The following TRPM7 variants were observed in gnomAD, a reference collection of about 807,000 sequenced individuals.
The protein encoded by TRPM7 is LTRPC ion channel family member 7.
In TRPM7, 134 loss-of-function variants were observed where a neutral mutation model predicts 229.7. The ratio of observed to expected loss-of-function variants is 0.58; its 90% CI spans 0.51 to 0.67. The LOEUF is 0.67. Ranked by LOEUF, TRPM7 falls within the 30% of genes least tolerant of loss-of-function variation. The probability of loss-of-function intolerance (pLI) is 0.00; values close to 1 mark genes in which losing one functional copy is unlikely to be tolerated. For missense variants in TRPM7, 1,901 were observed against 2,210.0 expected (o/e 0.86, Z 2.80); for synonymous variants, 699 against 715.2 (o/e 0.98, Z 0.36).
Position 50,558,322 on chromosome 15 carries a change from T to C in TRPM7, c.*3356A>G, listed in dbSNP as rs1189150979. 6.6e-6 allele frequency: 1 copy of C among 152,344 alleles called. No homozygotes were observed. Among genetic ancestry groups the C allele is most frequent in the Non-Finnish European group, 1.5e-5 (1 of 68,200 alleles). The allele number at this position is 152,344 out of a possible 1,614,324, so 9.4% of individuals were successfully genotyped here. A position where few individuals can be genotyped will look rare whatever the true frequency, so the allele number is the denominator to read the frequency against. On this transcript the variant is annotated 3_prime_UTR_variant, in exon 39 of 39. Coordinates refer to ENST00000646667, the MANE Select transcript of TRPM7 (RefSeq NM_017672.6). Reference sequence around the variant, plus strand: ...ACTTTGGGAAGCTCAGGCGAGAGGATCACTTGAGCCCAGGAATTTGAGACC... The same window carrying C: ...ACTTTGGGAAGCTCAGGCGAGAGGACCACTTGAGCCCAGGAATTTGAGACC...
At chr15:50,569,227 G>A (rs74014327) in intron 38 of TRPM7, among the ~76,000 whole-genome samples, 1 of 152,022 alleles carries the variant, frequency 6.6e-6, no homozygotes, top group African/African-American at 2.4e-5. Context: ...AGTTCCACAG[G>A]GGACTATGAT....
Position 50,589,619 on chromosome 15 carries a change from T to G in TRPM7, c.4362A>C (p.Glu1454Asp). The G allele has an allele frequency of 1.3e-6, 2 of 1,593,324 alleles. No individual in the cohort carries two copies. The highest frequency in any genetic ancestry group is 8.6e-7 in the Non-Finnish European group (1 of 1,165,196). The change falls in exon 27 of 39, where the codon GAA (glutamate) becomes GAC (aspartate). Residue 1454 changes from glutamate (E) to aspartate (D), a missense_variant. Around this residue, in one of 8 missense-constraint regions of TRPM7, gnomAD observed 533 missense variants for 497.1 expected, o/e 1.07. Transcript: ENST00000646667. ...RDSMDLQRFK[E>D]TSNKIKILSN... ...ATAGTATTTTTATCTTGTTTGATGTTTCTTTAAACCTCTGTAAATCCATGC... is the reference window on the plus strand; with the variant it reads ...ATAGTATTTTTATCTTGTTTGATGTGTCTTTAAACCTCTGTAAATCCATGC...
At position 50,654,017 on chromosome 15, in the gene TRPM7, A is replaced by G. The variant is rs142570389; in HGVS notation, c.122+3764T>C. On this transcript the variant is annotated intron_variant, in intron 3 of 38. Transcript: ENST00000646667. Reference sequence around the variant, plus strand: ...ATCCTAGGACTAAGTTCAAAATAGAAGTAGAACTGCCCTAACAAAGAAGAA... The same window carrying G: ...ATCCTAGGACTAAGTTCAAAATAGAGGTAGAACTGCCCTAACAAAGAAGAA... Among the ~76,000 whole-genome samples, 606 of 152,316 alleles carry G rather than the reference A, an allele frequency of 4.0e-3. 5 individuals are homozygous for G. Among genetic ancestry groups the G allele is most frequent in the African/African-American group, 0.014 (572 of 41,576 alleles).
chr15:50,678,735 T>C (rs1181987579), intron 1 of TRPM7, among the ~76,000 whole-genome samples: 1 of 152,008 alleles, frequency 6.6e-6, no homozygotes, highest in Non-Finnish European at 1.5e-5. Flanking sequence ...GTTCTATATA[T>C]TTAAAAACTT....
intron 3 of TRPM7, among the ~76,000 whole-genome samples, chr15:50,653,999 G>A (rs1449307194): frequency 1.3e-5 from 2 of 152,070 alleles, no homozygotes; most frequent in Non-Finnish European, 2.9e-5. Flanking sequence ...CACATCCTAG[G>A]ACTAAGTTCA....
In TRPM7 at chr15:50,611,088, T is replaced by C. The variant is rs1322258005; in HGVS notation, c.2280+5A>G. Reference sequence around the variant, plus strand: ...GCTTTATATCAAATTATTTCTAAAGTATACCTTGTACCAGGAATTTTTCCT... The same window carrying C: ...GCTTTATATCAAATTATTTCTAAAGCATACCTTGTACCAGGAATTTTTCCT... On this transcript the variant is annotated splice_donor_5th_base_variant and intron_variant, in intron 17 of 38. Transcript: ENST00000646667. The C allele has an allele frequency of 1.9e-6, 3 of 1,594,186 alleles. No homozygotes were observed. Among genetic ancestry groups the C allele is most frequent in the Non-Finnish European group, 2.6e-6 (3 of 1,162,594 alleles).
chr15:50,601,980 C>CT (rs2059793084), intron 21 of TRPM7, among the ~76,000 whole-genome samples: 1 of 147,522 alleles, frequency 6.8e-6, no homozygotes. Context: ...AATGATTATA[C>CT]TTTAAGTTCT....
At chr15:50,654,729 T>C (rs564027058) in intron 3 of TRPM7, among the ~76,000 whole-genome samples, 3 of 150,732 alleles carry the variant, frequency 2.0e-5, no homozygotes, top group African/African-American at 7.3e-5. Flanking sequence ...CTGGGCGCAG[T>C]GGCTCACGCC....
chr15:50,609,481 A>T, intron 19 of TRPM7, 100 bp downstream of exon 19: 1 of 1,153,926 alleles, frequency 8.7e-7, no homozygotes, highest in Non-Finnish European at 1.2e-6. Flanking sequence ...ATGCCTTTTC[A>T]GTGATCTAAG....
rs1358983243 is a variant in TRPM7 at position 50,578,677 on chromosome 15, C to A, written c.4593-13G>T. 6.2e-7 allele frequency: 1 copy of A among 1,603,356 alleles called. No individual in the cohort carries two copies. Among genetic ancestry groups the A allele is most frequent in the African/African-American group, 1.3e-5 (1 of 74,654 alleles). On this transcript the variant is annotated splice_polypyrimidine_tract_variant and intron_variant, in intron 30 of 38. Coordinates refer to ENST00000646667, the MANE Select transcript of TRPM7 (RefSeq NM_017672.6). ...TTCTTCAGATGGCCTAAAGAAACAC[C>A]AAAAAATATAGTATAAGCTGTGCTA...
At chr15:50,641,042 A>G (rs2061086839) in intron 5 of TRPM7, among the ~76,000 whole-genome samples, 1 of 152,230 alleles carries the variant, frequency 6.6e-6, no homozygotes, top group African/African-American at 2.4e-5. Flanking sequence ...TTTGATCTCC[A>G]TAATGCATCA....
At position 50,639,470 on chromosome 15, in the gene TRPM7, G is replaced by A; in HGVS notation, c.614C>T (p.Ala205Val). Residue 205 changes from alanine to valine, a missense_variant, in exon 6 of 39, where the codon GCT becomes GTT. Physicochemically the swap from Ala to Val is moderately conservative, Grantham distance 64 (BLOSUM62 0). This residue lies in a region of TRPM7 where 794 missense variants were observed against 881.9 expected (regional missense o/e 0.90). Transcript: ENST00000646667. Reference protein sequence around the residue: ...SSRKICTIGIAPWGVIENRND... With the variant: ...SSRKICTIGIVPWGVIENRND... ...TCTGTTTTCAATCACTCCCCATGGA[G>A]CTATTCCGATAGTGCAAATCTTTCG... is the stretch of plus-strand genomic sequence containing the variant. The A allele has an allele frequency of 6.2e-7, 1 of 1,611,670 alleles. No individual in the cohort carries two copies. Among genetic ancestry groups the A allele is most frequent in the East Asian group, 2.2e-5 (1 of 44,822 alleles).
intron 21 of TRPM7, 68 bp from the exon 22 acceptor site, chr15:50,599,364 T>G: frequency 8.4e-7 from 1 of 1,185,330 alleles, no homozygotes; most frequent in Non-Finnish European, 1.2e-6. Flanking sequence ...TTCTAAAAGC[T>G]TCTAATGTTC....
intron 6 of TRPM7, among the ~76,000 whole-genome samples, chr15:50,638,293 A>C (rs2060973770): frequency 7.5e-6 from 1 of 133,144 alleles, no homozygotes; most frequent in African/African-American, 2.8e-5. Flanking sequence ...CGGGAGGCGG[A>C]GCTTGCAGTG....
chr15:50,647,515 G>A (rs34386878), intron 4 of TRPM7, among the ~76,000 whole-genome samples: 53,071 of 152,014 alleles, frequency 0.35, 10,466 homozygotes, highest in Admixed American at 0.48. Context: ...GGAGGCCGAG[G>A]CGGGCAGATC....
At chr15:50,589,986 T>C (rs2059446428) in intron 26 of TRPM7, among the ~76,000 whole-genome samples, 1 of 152,086 alleles carries the variant, frequency 6.6e-6, no homozygotes, top group African/African-American at 2.4e-5. Flanking sequence ...GCCTCCTGAG[T>C]AGCTGGGACT....
intron 4 of TRPM7, among the ~76,000 whole-genome samples, chr15:50,647,223 C>T (rs1458808727): frequency 6.6e-6 from 1 of 152,130 alleles, no homozygotes; most frequent in Non-Finnish European, 1.5e-5. Context: ...CTTCACCTCC[C>T]AAGTTTAGGT....
chr15:50,634,258 T>G, intron 8 of TRPM7, 124 bp downstream of exon 8: 1 of 662,706 alleles, frequency 1.5e-6, no homozygotes, highest in Non-Finnish European at 2.2e-6. Flanking sequence ...GAGGTGGAGG[T>G]TGTAGTAAGC....
At chr15:50,678,803 GA>G (rs1485475312) in intron 1 of TRPM7, among the ~76,000 whole-genome samples, 5 of 152,116 alleles carry the variant, frequency 3.3e-5, no homozygotes, top group African/African-American at 1.2e-4. Flanking sequence ...GCCAAGGCAA[GA>G]GGACCACTTA....
Sources: gnomAD v4.1 joint callset for allele counts (sites outside exome capture counted in the v4.1 genomes callset) on GRCh38, gnomAD v4.1.1 for gene constraint, gnomAD v4.1.1 regional missense constraint, MANE v1.5 for transcripts, NCBI Gene and HGNC (gene_info 2026-07-23, HGNC 2026-07-21) for gene names.